FSTL5: variants seen among roughly 807,000 people sequenced by gnomAD.
FSTL5 encodes the protein follistatin like 5, also known as follistatin-related protein 5.
Under a neutral mutation model 89.1 loss-of-function variants are expected in FSTL5, and 62 were observed. That is an observed-to-expected ratio of 0.70 (90% CI 0.57 to 0.86). FSTL5 has a LOEUF of 0.86. FSTL5 is among the 40% of genes least tolerant of loss of function. The pLI is 0.00. For missense variants in FSTL5, 1,057 were observed against 1,001.6 expected (o/e 1.06, Z -0.75); for synonymous variants, 383 against 346.2 (o/e 1.11, Z -1.18).
chr4:161,749,269 G>T (rs1740312528), intron 6 of FSTL5, among the ~76,000 whole-genome samples: 1 of 152,128 alleles, frequency 6.6e-6, no homozygotes, highest in African/African-American at 2.4e-5. Context: ...CAAAGTCATG[G>T]AGTCAACCTG....
intron 15 of FSTL5, among the ~76,000 whole-genome samples, chr4:161,444,229 G>A (rs1732871228): frequency 6.6e-6 from 1 of 151,878 alleles, no homozygotes; most frequent in African/African-American, 2.4e-5. Context: ...GGCTGTGTCT[G>A]TGAGACTGGG....
intron 4 of FSTL5, among the ~76,000 whole-genome samples, chr4:161,852,127 T>C (rs543764656): frequency 2.6e-5 from 4 of 151,950 alleles, no homozygotes; most frequent in African/African-American, 4.8e-5. Context: ...ACACTGACCC[T>C]CACCCTTTCA....
At chr4:162,117,816 A>C (rs1476903089) in intron 1 of FSTL5, among the ~76,000 whole-genome samples, 6 of 152,202 alleles carry the variant, frequency 3.9e-5, no homozygotes, top group Non-Finnish European at 8.8e-5. Flanking sequence ...CTTGGCCCCC[A>C]GTATAATCTC....
intron 4 of FSTL5, among the ~76,000 whole-genome samples, chr4:161,806,310 T>C (rs924168448): frequency 6.6e-6 from 1 of 152,128 alleles, no homozygotes; most frequent in Non-Finnish European, 1.5e-5. Flanking sequence ...CCCATTAAGT[T>C]ATATAGAATC....
At chr4:161,626,804 G>T (rs760957505) in intron 7 of FSTL5, among the ~76,000 whole-genome samples, 1 of 152,136 alleles carries the variant, frequency 6.6e-6, no homozygotes, top group Non-Finnish European at 1.5e-5. Flanking sequence ...ATTAACAGGA[G>T]TTTGGAAGAA....
Position 161,997,808 on chromosome 4 carries a change from G to T in FSTL5, c.160+35817C>A, listed in dbSNP as rs564014982. On this transcript the variant is annotated intron_variant, in intron 3 of 15. Transcript: ENST00000306100. ...TTTAGTAGAGACGGGGCTTCACTGT[G>T]TTAGCAAGGATGGTCTCGATCTCCT... is the stretch of plus-strand genomic sequence containing the variant. Among the ~76,000 whole-genome samples the T allele has an allele frequency of 8.6e-5, 13 of 151,840 alleles. No homozygotes were observed. In the South Asian group the frequency reaches 2.5e-3, roughly 29 times the overall value.
At chr4:161,939,771 TA>T (rs1456933843) in intron 3 of FSTL5, among the ~76,000 whole-genome samples, 1 of 151,948 alleles carries the variant, frequency 6.6e-6, no homozygotes, top group Non-Finnish European at 1.5e-5. Flanking sequence ...ATGTTTATTT[TA>T]AAGCTATGTC....
chr4:161,490,922 A>G (rs1291845519), intron 12 of FSTL5, among the ~76,000 whole-genome samples: 1 of 22,862 alleles, frequency 4.4e-5, no homozygotes, highest in African/African-American at 1.4e-4. Flanking sequence ...CATAAAAAAG[A>G]TTTGTTTTTT....
At chr4:161,730,448 G>A (rs373084110) in intron 6 of FSTL5, among the ~76,000 whole-genome samples, 7 of 151,612 alleles carry the variant, frequency 4.6e-5, no homozygotes, top group East Asian at 3.9e-4. Context: ...ATTTAACATA[G>A]AATTATTTAT....
At chr4:161,449,332 C>T (rs563272905) in intron 15 of FSTL5, among the ~76,000 whole-genome samples, 55 of 152,216 alleles carry the variant, frequency 3.6e-4, no homozygotes, top group Non-Finnish European at 7.1e-4. Flanking sequence ...CTGCATTTTC[C>T]TCTCAAGAAA....
chr4:161,730,601 G>A (rs1739575437), intron 6 of FSTL5, among the ~76,000 whole-genome samples: 1 of 152,062 alleles, frequency 6.6e-6, no homozygotes. Context: ...CAGAACATTT[G>A]CTGCTGTTAT....
At position 161,949,205 on chromosome 4, in the gene FSTL5, C is replaced by T. The variant is rs890333345; in HGVS notation, c.161-28553G>A. Among the ~76,000 whole-genome samples, 7 of 152,198 alleles carry T rather than the reference C, an allele frequency of 4.6e-5. No homozygotes were observed. In the South Asian group the frequency reaches 1.4e-3, roughly 32 times the overall value. ...CATTTTCTCCTTTGGCTGTCATTCT[C>T]TTGTCTCCCTCTTTCCCTTATAAGG... On this transcript the variant is annotated intron_variant, in intron 3 of 15. Transcript: ENST00000306100.
intron 15 of FSTL5, among the ~76,000 whole-genome samples, chr4:161,443,432 C>T (rs1049879724): frequency 6.6e-6 from 1 of 151,902 alleles, no homozygotes; most frequent in Non-Finnish European, 1.5e-5. Flanking sequence ...GGATCTATAT[C>T]CTTATTACTC....
intron 3 of FSTL5, among the ~76,000 whole-genome samples, chr4:161,933,734 A>G (rs971905229): frequency 6.6e-6 from 1 of 152,010 alleles, no homozygotes; most frequent in African/African-American, 2.4e-5. Context: ...TATTACCCTT[A>G]TAAGTGGTTT....
chr4:161,813,140 T>C (rs1237999326), intron 4 of FSTL5, among the ~76,000 whole-genome samples: 1 of 151,824 alleles, frequency 6.6e-6, no homozygotes, highest in East Asian at 2.0e-4. Context: ...GATTCTCCTG[T>C]TTCAGCCTCC....
intron 1 of FSTL5, among the ~76,000 whole-genome samples, chr4:162,148,032 C>T (rs1259417689): frequency 1.3e-5 from 2 of 152,026 alleles, no homozygotes; most frequent in South Asian, 2.1e-4. Flanking sequence ...GTTTGAAATA[C>T]GAAGATTACT....
chr4:161,742,646 G>A (rs926039357), intron 6 of FSTL5, among the ~76,000 whole-genome samples: 1 of 152,218 alleles, frequency 6.6e-6, no homozygotes, highest in Non-Finnish European at 1.5e-5. Context: ...CCATGTGACA[G>A]TGTCCAGTGG....
At chr4:161,513,049 G>T (rs1730700144) in intron 10 of FSTL5, among the ~76,000 whole-genome samples, 1 of 151,910 alleles carries the variant, frequency 6.6e-6, no homozygotes. Context: ...AATAAGCAGA[G>T]ATTGTTTCTG....
At chr4:161,521,255 A>G (rs1359164479) in intron 10 of FSTL5, among the ~76,000 whole-genome samples, 1 of 152,184 alleles carries the variant, frequency 6.6e-6, no homozygotes, top group African/African-American at 2.4e-5. Flanking sequence ...TTTGAATATT[A>G]CAAATCAGTT....
Sources: allele counts gnomAD v4.1 joint callset (sites outside exome capture counted in the v4.1 genomes callset), GRCh38; gene constraint gnomAD v4.1.1; transcripts MANE v1.5; gene names NCBI Gene and HGNC (gene_info 2026-07-23, HGNC 2026-07-21).